The following PCDHGA7 variants were observed in gnomAD, a reference collection of about 807,000 sequenced individuals.
PCDHGA7 encodes protocadherin gamma-A7.
PCDHGA7 carries 44 observed loss-of-function variants against 58.3 expected under a neutral mutation model. The observed-to-expected ratio is 0.75, with a 90% CI of 0.59 to 0.97. The LOEUF (loss-of-function observed/expected upper bound fraction) is 0.97, where lower values mean the gene tolerates loss of function less well. Ranked by LOEUF, PCDHGA7 falls within the 50% of genes least tolerant of loss-of-function variation. PCDHGA7 has a pLI of 0.00. For missense variants in PCDHGA7, 1,266 were observed against 1,188.7 expected, an observed-to-expected ratio of 1.06 and a Z score of -0.96; for synonymous variants, 516 against 504.2, an observed-to-expected ratio of 1.02 and a Z score of -0.31.
Position 141,394,174 on chromosome 5 carries a change from A to G in PCDHGA7, c.2424+8851A>G, listed in dbSNP as rs774402638. On this transcript the variant is annotated intron_variant, in intron 1 of 3. Coordinates refer to ENST00000518325, the MANE Select transcript of PCDHGA7 (RefSeq NM_018920.4). ...AACGACAACCCTCCTACTTTCCCTC[A>G]TGCCTCCTACTCAGCGTATATCCTA... 3 of 1,613,706 alleles carry G rather than the reference A, an allele frequency of 1.9e-6. No individual in the cohort carries two copies. In the East Asian group the frequency reaches 6.7e-5, roughly 36 times the overall value.
intron 1 of PCDHGA7, chr5:141,393,568 T>G (rs549396721): frequency 1.2e-6 from 2 of 1,613,904 alleles, no homozygotes; most frequent in African/African-American, 2.7e-5. Context: ...GTGAAAGTCC[T>G]TGAGAACATG....
chr5:141,509,179 C>T (rs895281717), intron 3 of PCDHGA7, among the ~76,000 whole-genome samples: 1 of 152,172 alleles, frequency 6.6e-6, no homozygotes, highest in African/African-American at 2.4e-5. Flanking sequence ...TCCTCTTATG[C>T]CGGCTTGAAA....
intron 1 of PCDHGA7, chr5:141,404,780 AAGGCCAGTGAGCC>A: frequency 6.2e-7 from 1 of 1,612,764 alleles, no homozygotes; most frequent in Non-Finnish European, 8.5e-7. Context: ...CCGCCTATTC[AAGGCCAGTGAGCC>A]AGGGCTCTTC....
rs889945954 is a variant in PCDHGA7, at chr5:141,489,368, C to A, written c.2425-5439C>A. The A allele has an allele frequency of 2.5e-6, 4 of 1,613,384 alleles. No homozygotes were observed. Among genetic ancestry groups the A allele is most frequent in the Non-Finnish European group, 3.4e-6 (4 of 1,179,478 alleles). On this transcript the variant is annotated intron_variant, in intron 1 of 3. Coordinates refer to ENST00000518325, the MANE Select transcript of PCDHGA7 (RefSeq NM_018920.4). The surrounding 1 kb of genome is among the most constrained non-coding windows in gnomAD (Gnocchi z 4.5). ...GTGGTGGAGGAGTCTGAGCCGGGGA[C>A]GCTGGTGGGGAATGTTGCTCAGGAT...
At chr5:141,403,414 T>C (rs373392812) in intron 1 of PCDHGA7, 142 of 1,613,926 alleles carry the variant, frequency 8.8e-5, no homozygotes, top group Middle Eastern at 1.6e-4. Context: ...GTTATCCACT[T>C]CCAGAAGCTA....
intron 1 of PCDHGA7, chr5:141,403,389 C>T (rs764725441): frequency 1.2e-6 from 2 of 1,614,050 alleles, no homozygotes; most frequent in South Asian, 1.1e-5. Context: ...AACGAAATCG[C>T]GGTTCCTGGA....
intron 1 of PCDHGA7, chr5:141,409,901 C>T (rs1157563397): frequency 6.2e-7 from 1 of 1,613,264 alleles, no homozygotes; most frequent in East Asian, 2.2e-5. Flanking sequence ...GTACCCAGCT[C>T]TGGGTCCTGA....
chr5:141,433,277 T>G, intron 1 of PCDHGA7: 1 of 1,231,982 alleles, frequency 8.1e-7, no homozygotes. Flanking sequence ...CACTGCAGCC[T>G]CAAACTCCTA....
chr5:141,499,563 A>C (rs979866448), intron 2 of PCDHGA7, among the ~76,000 whole-genome samples: 3 of 152,242 alleles, frequency 2.0e-5, no homozygotes, highest in Non-Finnish European at 2.9e-5. Context: ...ACCACTATCC[A>C]GCTTCAACTA....
intron 1 of PCDHGA7, chr5:141,414,799 G>T (rs1177065576): frequency 1.9e-6 from 3 of 1,614,096 alleles, no homozygotes; most frequent in Non-Finnish European, 2.5e-6. Flanking sequence ...CAGCGACAGC[G>T]GGGATCCTCC....
At chr5:141,419,424 A>G (rs1197238939) in intron 1 of PCDHGA7, 1 of 1,613,230 alleles carries the variant, frequency 6.2e-7, no homozygotes, top group Admixed American at 1.7e-5. Flanking sequence ...GCCTTCGACC[A>G]CGAGCAGCTG....
intron 1 of PCDHGA7, chr5:141,413,345 G>A (rs2095628318): frequency 8.7e-6 from 14 of 1,613,996 alleles, no homozygotes; most frequent in Non-Finnish European, 1.0e-5. Flanking sequence ...AAGGACTTGG[G>A]TCTGGCGCCC....
chr5:141,486,278 G>A lies in PCDHGA7; in HGVS notation c.2425-8529G>A. The A allele has an allele frequency of 1.2e-6, 2 of 1,614,088 alleles. No individual in the cohort carries two copies. Among genetic ancestry groups the A allele is most frequent in the South Asian group, 2.2e-5 (2 of 91,068 alleles). On this transcript the variant is annotated intron_variant, in intron 1 of 3. Transcript: ENST00000518325. This position sits in a 1 kb window ranked among gnomAD's most constrained non-coding sequence, Gnocchi z 5.0. The stretch of plus-strand genomic sequence containing the variant: ...CGAGAGTGCAGAACCTGGCACTGTG[G>A]TGGCACTTATCAGTGTGCAGGATCC...
At chr5:141,385,375 T>C (rs1781162127) in intron 1 of PCDHGA7, 52 bp downstream of exon 1, 2 of 1,523,626 alleles carry the variant, frequency 1.3e-6, no homozygotes, top group South Asian at 1.3e-5. Context: ...GCATGATATT[T>C]CTCTATTATT....
intron 1 of PCDHGA7, among the ~76,000 whole-genome samples, chr5:141,474,062 C>G (rs745636246): frequency 6.6e-6 from 1 of 152,104 alleles, no homozygotes; most frequent in Non-Finnish European, 1.5e-5. Flanking sequence ...AGAGCGAGAT[C>G]CTGCCTCAGA....
chr5:141,400,102 G>A (rs376189143), intron 1 of PCDHGA7: 2 of 1,614,084 alleles, frequency 1.2e-6, no homozygotes, highest in Non-Finnish European at 1.7e-6. Context: ...GCTGCACTTG[G>A]TCTTTGCTGA....
chr5:141,430,639 A>C, intron 1 of PCDHGA7: 6 of 900,712 alleles, frequency 6.7e-6, no homozygotes, highest in Non-Finnish European at 9.7e-6. Context: ...CATCCCTGGG[A>C]GTATGTGGAA....
At chr5:141,453,083 A>G (rs1404530649) in intron 1 of PCDHGA7, among the ~76,000 whole-genome samples, 1 of 152,044 alleles carries the variant, frequency 6.6e-6, no homozygotes, top group African/African-American at 2.4e-5. Flanking sequence ...CTGGTTGATT[A>G]GTATATTTTC....
At chr5:141,465,466 C>T (rs1280373152) in intron 1 of PCDHGA7, among the ~76,000 whole-genome samples, 1 of 152,156 alleles carries the variant, frequency 6.6e-6, no homozygotes, top group African/African-American at 2.4e-5. Flanking sequence ...ACCAAATTGC[C>T]CTTGCTTCAT....
Sources: allele counts gnomAD v4.1 joint callset (sites outside exome capture counted in the v4.1 genomes callset), GRCh38; gene constraint gnomAD v4.1.1; non-coding constraint Gnocchi (gnomAD v3.1); transcripts MANE v1.5; gene names NCBI Gene and HGNC (gene_info 2026-07-23, HGNC 2026-07-21).